GNB4: variants seen among roughly 807,000 people sequenced by gnomAD.
GNB4 encodes the protein guanine nucleotide-binding protein subunit beta-4.
Under a neutral mutation model 45.2 loss-of-function variants are expected in GNB4, and 28 were observed. The ratio of observed to expected loss-of-function variants is 0.62; its 90% CI spans 0.46 to 0.85. The LOEUF is 0.85. Among genes scored for constraint, GNB4 ranks in the 40% least tolerant of loss-of-function variants. GNB4 has a pLI of 0.00. For missense variants in GNB4, 321 were observed against 425.4 expected, an observed-to-expected ratio of 0.75 and a Z score of 2.16; for synonymous variants, 132 against 143.7, an observed-to-expected ratio of 0.92 and a Z score of 0.58.
intron 4 of GNB4, among the ~76,000 whole-genome samples, chr3:179,417,359 A>G (rs1446150335): frequency 6.6e-6 from 1 of 152,002 alleles, no homozygotes; most frequent in Non-Finnish European, 1.5e-5. Flanking sequence ...TAAACTAAAG[A>G]GTATGAACTC....
At chr3:179,457,138 A>G in the GNB4 span, among the ~76,000 whole-genome samples, 1 of 152,228 alleles carries the variant, frequency 6.6e-6, no homozygotes, top group South Asian at 2.1e-4. Context: ...CTTTAGAAAA[A>G]AACTCTAAGA....
rs1182476854 is a variant in GNB4, at chr3:179,439,725, CATGA to C, written c.-43+11617_-43+11620del. On this transcript the variant is annotated intron_variant, in intron 1 of 9. Transcript: ENST00000232564. The stretch of plus-strand genomic sequence containing the variant: ...ACAGATTCGCTGATTCAGACAAAGG[CATGA>C]ATGTTTTCCCCTACCGATTTCTCAT... Among the ~76,000 whole-genome samples, 3 of 152,334 alleles carry C rather than the reference CATGA, an allele frequency of 2.0e-5. No homozygotes were observed. In the East Asian group the frequency reaches 5.8e-4, roughly 29 times the overall value.
chr3:179,468,041 T>A, the GNB4 span, among the ~76,000 whole-genome samples: 7 of 100,314 alleles, frequency 7.0e-5, no homozygotes, highest in African/African-American at 3.1e-4. Context: ...TAAAAATATA[T>A]ATATATATAG....
At position 179,415,020 on chromosome 3, in the gene GNB4, A is replaced by AG; in HGVS notation, c.294dup (p.Trp99LeufsTer12). 6.2e-7 allele frequency: 1 copy of AG among 1,606,964 alleles called. No homozygotes were observed. The highest frequency in any genetic ancestry group is 8.5e-7 in the Non-Finnish European group (1 of 1,175,198). Reference sequence around the variant, plus strand: ...GGAGCATAAGCACAGGTCATCACCCAGGAGGACCTCAAAGGAATAGCATGC... The same window carrying AG: ...GGAGCATAAGCACAGGTCATCACCCAGGGAGGACCTCAAAGGAATAGCATGC... On this transcript the variant is annotated frameshift_variant, in exon 6 of 10. Transcript: ENST00000232564. LOFTEE classifies it high-confidence loss of function.
rs958533647 is a variant in GNB4, at chr3:179,398,957, C to T, written c.*2256G>A. The T allele has an allele frequency of 5.9e-5, 9 of 152,078 alleles. No homozygotes were observed. Among genetic ancestry groups the T allele is most frequent in the African/African-American group, 9.7e-5 (4 of 41,414 alleles). The allele number at this position is 152,078 out of a possible 1,614,324, so 9.4% of individuals were successfully genotyped here. A position where few individuals can be genotyped will look rare whatever the true frequency, so the allele number is the denominator to read the frequency against. The stretch of plus-strand genomic sequence containing the variant: ...AAAATATGTTAAGACCATAGAATTC[C>T]TGTGGTCTGTATGCCTGTGACTACT... On this transcript the variant is annotated 3_prime_UTR_variant, in exon 10 of 10. Transcript: ENST00000232564.
At chr3:179,452,869 T>C (rs4855076), upstream of GNB4, among the ~76,000 whole-genome samples, 1 of 152,134 alleles carries the variant, frequency 6.6e-6, no homozygotes, top group South Asian at 2.1e-4. Context: ...CTATTTATGT[T>C]TTAATGATTA....
chr3:179,422,411 G>C (rs563129719), intron 2 of GNB4, among the ~76,000 whole-genome samples: 30 of 151,536 alleles, frequency 2.0e-4, no homozygotes, highest in African/African-American at 7.3e-4. Flanking sequence ...AGGATCGCTC[G>C]AGCCCAGGAG....
chr3:179,404,820 G>A (rs1049829772), intron 9 of GNB4, among the ~76,000 whole-genome samples: 4 of 152,146 alleles, frequency 2.6e-5, no homozygotes, highest in African/African-American at 9.7e-5. Flanking sequence ...ACAGGTCTAT[G>A]TCCTGTCCCA....
At chr3:179,484,252 A>G in the GNB4 span, among the ~76,000 whole-genome samples, 1 of 152,210 alleles carries the variant, frequency 6.6e-6, no homozygotes, top group Non-Finnish European at 1.5e-5. Flanking sequence ...TCAACCTAAG[A>G]TTTAGAATTG....
chr3:179,484,471 C>T, the GNB4 span, among the ~76,000 whole-genome samples: 1 of 152,146 alleles, frequency 6.6e-6, no homozygotes, highest in East Asian at 1.9e-4. Flanking sequence ...ATGCGCACAG[C>T]AGTGAAAAAA....
chr3:179,418,194 G>A (rs13065293), intron 4 of GNB4, among the ~76,000 whole-genome samples: 28,983 of 151,990 alleles, frequency 0.19, 3,295 homozygotes, highest in Admixed American at 0.25. Context: ...TCGGCCAGGC[G>A]CGGTGGCTCA....
At chr3:179,431,037 A>G (rs1715295721) in intron 1 of GNB4, among the ~76,000 whole-genome samples, 1 of 152,178 alleles carries the variant, frequency 6.6e-6, no homozygotes, top group South Asian at 2.1e-4. Context: ...CCACAATACT[A>G]TTATCATAAC....
At chr3:179,460,742 G>A in the GNB4 span, among the ~76,000 whole-genome samples, 25 of 151,952 alleles carry the variant, frequency 1.6e-4, 2 homozygotes, top group East Asian at 2.3e-3. Context: ...GGACTCAAGC[G>A]ATCCTCCTGC....
chr3:179,465,802 CTT>C, the GNB4 span, among the ~76,000 whole-genome samples: 1 of 27,212 alleles, frequency 3.7e-5, no homozygotes, highest in South Asian at 1.5e-3. Context: ...TTTTTTTCTT[CTT>C]CTTCTTCTTC....
Position 179,396,336 on chromosome 3 carries a change from A to T in GNB4, c.*4877T>A, listed in dbSNP as rs1417307929. On this transcript the variant is annotated 3_prime_UTR_variant, in exon 10 of 10. Transcript: ENST00000232564. ...AGTGTGTACAAATCATTCTAGGTAA[A>T]GACAAACACTTTCAGAATGCTTTAA... 2.0e-5 allele frequency: 3 copies of T among 152,248 alleles called. No homozygotes were observed. The highest frequency in any genetic ancestry group is 4.4e-5 in the Non-Finnish European group (3 of 68,032). 9.4% of individuals were successfully genotyped at this position (152,248 alleles called of 1,614,324 possible).
chr3:179,468,409 C>T, the GNB4 span, among the ~76,000 whole-genome samples: 2 of 151,666 alleles, frequency 1.3e-5, no homozygotes, highest in South Asian at 2.1e-4. Context: ...GCAGGAGAAT[C>T]GCTTGAACCC....
At chr3:179,471,147 C>A in the GNB4 span, among the ~76,000 whole-genome samples, 1 of 149,482 alleles carries the variant, frequency 6.7e-6, no homozygotes, top group African/African-American at 2.5e-5. Flanking sequence ...CCACTGCACT[C>A]CAACCTGGGC....
chr3:179,447,124 T>C (rs930759384), intron 1 of GNB4, among the ~76,000 whole-genome samples: 3 of 152,024 alleles, frequency 2.0e-5, no homozygotes, highest in African/African-American at 7.2e-5. Flanking sequence ...TTCAAATAAA[T>C]TAAGTAAGGA....
At chr3:179,419,051 G>A (rs1224817197) in intron 4 of GNB4, among the ~76,000 whole-genome samples, 1 of 152,146 alleles carries the variant, frequency 6.6e-6, no homozygotes, top group Non-Finnish European at 1.5e-5. Context: ...CCAAAAACTT[G>A]CACATAGGTG....
Sources: allele counts gnomAD v4.1 joint callset (sites outside exome capture counted in the v4.1 genomes callset), GRCh38; gene constraint gnomAD v4.1.1; transcripts MANE v1.5; gene names NCBI Gene and HGNC (gene_info 2026-07-23, HGNC 2026-07-21).